KCTD16: variants seen among roughly 807,000 people sequenced by gnomAD.
The protein encoded by KCTD16 is potassium channel tetramerization domain containing 16, also known as BTB/POZ domain-containing protein KCTD16.
A neutral mutation model predicts 33.2 loss-of-function variants in KCTD16; 13 were observed. The ratio of observed to expected loss-of-function variants is 0.39; its 90% CI spans 0.25 to 0.62. KCTD16 has a LOEUF of 0.62. Among genes scored for constraint, KCTD16 ranks in the 20% least tolerant of loss-of-function variants. The pLI, the probability that KCTD16 is intolerant of heterozygous loss-of-function variation, is 0.50. For missense variants in KCTD16, 441 were observed against 525.1 expected (o/e 0.84, Z 1.57); for synonymous variants, 197 against 195.3 (o/e 1.01, Z -0.07).
At chr5:144,217,022 G>C (rs931361623) in intron 3 of KCTD16, among the ~76,000 whole-genome samples, 1 of 152,104 alleles carries the variant, frequency 6.6e-6, no homozygotes, top group Non-Finnish European at 1.5e-5. Flanking sequence ...CTAGTAATTA[G>C]ACTAAAGGAA....
chr5:144,410,105 A>G (rs924030758), intron 3 of KCTD16, among the ~76,000 whole-genome samples: 1 of 152,170 alleles, frequency 6.6e-6, no homozygotes, highest in Non-Finnish European at 1.5e-5. Context: ...GTAACTTTGC[A>G]GTTAGAATGG....
intron 3 of KCTD16, among the ~76,000 whole-genome samples, chr5:144,448,533 G>A (rs1468187833): frequency 6.6e-6 from 1 of 152,060 alleles, no homozygotes; most frequent in Non-Finnish European, 1.5e-5. Context: ...TAACACTGAG[G>A]CTGAAGTTGG....
chr5:144,350,172 A>G (rs1408474898), intron 3 of KCTD16, among the ~76,000 whole-genome samples: 6 of 152,122 alleles, frequency 3.9e-5, no homozygotes, highest in Non-Finnish European at 7.4e-5. Context: ...TACTAGCATT[A>G]AGAAAGCCCT....
chr5:144,201,147 C>G (rs1270546788), intron 2 of KCTD16, among the ~76,000 whole-genome samples: 1 of 152,194 alleles, frequency 6.6e-6, no homozygotes, highest in African/African-American at 2.4e-5. Context: ...TCGGGCTTTG[C>G]ATCTCAACTA....
intron 3 of KCTD16, among the ~76,000 whole-genome samples, chr5:144,390,609 T>C (rs900160854): frequency 7.9e-5 from 12 of 152,070 alleles, no homozygotes; most frequent in African/African-American, 2.7e-4. Flanking sequence ...ACATGTGCCA[T>C]GGTGGTTTGC....
chr5:144,223,898 T>A (rs1753841872), intron 3 of KCTD16, among the ~76,000 whole-genome samples: 1 of 152,104 alleles, frequency 6.6e-6, no homozygotes, highest in Non-Finnish European at 1.5e-5. Flanking sequence ...CCTTTTATCC[T>A]GGTGGTCCTT....
chr5:144,197,848 T>C (rs1748313098), intron 2 of KCTD16, among the ~76,000 whole-genome samples: 1 of 152,192 alleles, frequency 6.6e-6, no homozygotes, highest in African/African-American at 2.4e-5. Context: ...TGCCTGGCAA[T>C]TGGGTCAGTT....
At chr5:144,390,590 C>T (rs184079501) in intron 3 of KCTD16, among the ~76,000 whole-genome samples, 9 of 151,812 alleles carry the variant, frequency 5.9e-5, no homozygotes, top group Non-Finnish European at 7.4e-5. Flanking sequence ...AGGTTTGTTG[C>T]GTAGGTATAC....
chr5:144,253,209 A>G lies in KCTD16; in HGVS notation c.832+45663A>G, dbSNP rs985269451. Among the ~76,000 whole-genome samples, 5 of 152,118 alleles carry G rather than the reference A, an allele frequency of 3.3e-5. No homozygotes were observed. The East Asian group carries it at 9.6e-4, about 29-fold the overall frequency. ...TAGCCCACCACTTGCAGGTAGATAC[A>G]CATCTACCTGAATTACATATTTATA... On this transcript the variant is annotated intron_variant, in intron 3 of 3. Coordinates refer to ENST00000512467, the MANE Select transcript of KCTD16 (RefSeq NM_020768.4).
chr5:144,240,018 T>C (rs547793762), intron 3 of KCTD16, among the ~76,000 whole-genome samples: 15 of 152,278 alleles, frequency 9.9e-5, no homozygotes, highest in African/African-American at 3.4e-4. Flanking sequence ...TTTACCTGGA[T>C]TACCCCCTTT....
chr5:144,282,682 G>T (rs1755638963), intron 3 of KCTD16, among the ~76,000 whole-genome samples: 1 of 152,106 alleles, frequency 6.6e-6, no homozygotes, highest in Non-Finnish European at 1.5e-5. Flanking sequence ...AAAGCACTTT[G>T]GTTTTTCCTA....
chr5:144,395,672 AT>A (rs1446063776), intron 3 of KCTD16, among the ~76,000 whole-genome samples: 3 of 152,156 alleles, frequency 2.0e-5, no homozygotes, highest in Non-Finnish European at 4.4e-5. Flanking sequence ...TTAGAGTTCT[AT>A]TGTCCTCCCA....
At chr5:144,325,608 A>C (rs1357343193) in intron 3 of KCTD16, among the ~76,000 whole-genome samples, 2 of 151,512 alleles carry the variant, frequency 1.3e-5, no homozygotes, top group East Asian at 3.9e-4. Flanking sequence ...CTTATTCTCT[A>C]TTCTCCTTTC....
At chr5:144,455,364 G>A (rs922265718) in intron 3 of KCTD16, among the ~76,000 whole-genome samples, 15 of 152,138 alleles carry the variant, frequency 9.9e-5, no homozygotes, top group South Asian at 4.2e-4. Flanking sequence ...ATGACGAAGC[G>A]GGGGCACATT....
chr5:144,254,365 G>T (rs915263907), intron 3 of KCTD16, among the ~76,000 whole-genome samples: 3 of 151,432 alleles, frequency 2.0e-5, no homozygotes, highest in African/African-American at 4.8e-5. Flanking sequence ...GGATGGTCTT[G>T]ATCTCCTGGC....
At chr5:144,346,467 C>G (rs1484836703) in intron 3 of KCTD16, among the ~76,000 whole-genome samples, 2 of 152,130 alleles carry the variant, frequency 1.3e-5, no homozygotes, top group African/African-American at 4.8e-5. Context: ...CATTTACATT[C>G]CTACCAACAG....
intron 3 of KCTD16, among the ~76,000 whole-genome samples, chr5:144,285,299 T>C (rs187591685): frequency 6.6e-6 from 1 of 152,360 alleles, no homozygotes; most frequent in Non-Finnish European, 1.5e-5. Context: ...ATGACACAAA[T>C]GCTTGAACAT....
chr5:144,287,433 C>A (rs759913718), intron 3 of KCTD16, among the ~76,000 whole-genome samples: 2 of 152,132 alleles, frequency 1.3e-5, no homozygotes, highest in Non-Finnish European at 2.9e-5. Context: ...CTTACAGCCA[C>A]CACACCTTAC....
At chr5:144,200,849 C>A (rs1281288221) in intron 2 of KCTD16, among the ~76,000 whole-genome samples, 1 of 152,152 alleles carries the variant, frequency 6.6e-6, no homozygotes, top group African/African-American at 2.4e-5. Flanking sequence ...GTATTCTCCC[C>A]CCTCAGCCTC....
Sources: allele counts gnomAD v4.1 joint callset (sites outside exome capture counted in the v4.1 genomes callset), GRCh38; gene constraint gnomAD v4.1.1; transcripts MANE v1.5; gene names NCBI Gene and HGNC (gene_info 2026-07-23, HGNC 2026-07-21).